Variants in PLCE1 observed in about 807,000 individuals in gnomAD.
PLCE1 encodes 1-phosphatidylinositol 4,5-bisphosphate phosphodiesterase epsilon-1.
Under a neutral mutation model 242.8 loss-of-function variants are expected in PLCE1, and 119 were observed. The observed-to-expected ratio is 0.49, with a 90% CI of 0.42 to 0.57. PLCE1 has a LOEUF of 0.57. PLCE1 is among the 20% of genes least tolerant of loss of function. The pLI is 0.00. For synonymous variants in PLCE1, 945 were observed against 1,017.4 expected (o/e 0.93, Z 1.35); for missense variants, 2,441 against 2,788.8 (o/e 0.88, Z 2.81).
At chr10:94,047,362 G>A (rs989888796) in intron 2 of PLCE1, among the ~76,000 whole-genome samples, 6 of 152,196 alleles carry the variant, frequency 3.9e-5, no homozygotes, top group African/African-American at 9.6e-5. Context: ...AAGGCAAAGT[G>A]TTCCGCCATA....
Position 94,325,024 on chromosome 10 carries a change from G to C in PLCE1, c.6853G>C (p.Glu2285Gln). ...GACCTCAGAAAGTATCCAAACCAAG[G>C]AGGAGAAACCTGTGGGTGGCTTGTC... ...LLTSESIQTK[E>Q]EKPVGGLSSS... is the part of the protein sequence containing the mutation. Residue 2285 changes from glutamate to glutamine, a missense_variant, in exon 32 of 33, where the codon GAG becomes CAG. By Grantham distance (29) the Glu-to-Gln change is conservative. Coordinates refer to ENST00000371380, the MANE Select transcript of PLCE1 (RefSeq NM_016341.4). The C allele has an allele frequency of 6.2e-7, 1 of 1,613,616 alleles. No individual in the cohort carries two copies. The highest frequency in any genetic ancestry group is 1.1e-5 in the South Asian group (1 of 90,574).
intron 2 of PLCE1, among the ~76,000 whole-genome samples, chr10:94,071,848 A>G (rs1170236401): frequency 6.8e-6 from 1 of 148,136 alleles, no homozygotes; most frequent in Admixed American, 6.7e-5. Flanking sequence ...ATTTGTTATC[A>G]CTCTTATTTG....
rs1005531671 is a variant in PLCE1 at position 94,298,141 on chromosome 10, T to G, written c.5168-238T>G. On this transcript the variant is annotated intron_variant, in intron 23 of 32. Coordinates refer to ENST00000371380, the MANE Select transcript of PLCE1 (RefSeq NM_016341.4). This position sits in a 1 kb window ranked among gnomAD's most constrained non-coding sequence, Gnocchi z 5.2. ...CTCAAGCAATCCTCCCACCCTGACC[T>G]CCCAAAGTGCTGGGATTATAGGAAT... 6.6e-6 allele frequency among the ~76,000 whole-genome samples: 1 copy of G among 151,962 alleles called. No individual in the cohort carries two copies. Among genetic ancestry groups the G allele is most frequent in the African/African-American group, 2.4e-5 (1 of 41,362 alleles).
At chr10:94,150,369 T>A (rs2047236824) in intron 3 of PLCE1, among the ~76,000 whole-genome samples, 2 of 152,196 alleles carry the variant, frequency 1.3e-5, no homozygotes, top group Middle Eastern at 3.2e-3. Context: ...AGACCCTTTG[T>A]TGTTCTGAAC....
intron 1 of PLCE1, among the ~76,000 whole-genome samples, chr10:94,001,771 A>G (rs1242458560): frequency 1.3e-5 from 2 of 152,240 alleles, no homozygotes; most frequent in Non-Finnish European, 2.9e-5. Context: ...TCATTGATTC[A>G]GCGTGTTTTT....
intron 2 of PLCE1, among the ~76,000 whole-genome samples, chr10:94,121,455 G>A (rs994919375): frequency 1.3e-5 from 2 of 152,212 alleles, no homozygotes; most frequent in African/African-American, 2.4e-5. Context: ...TTGGGGGTAG[G>A]AAGTTACCTG....
At chr10:94,086,280 C>A (rs1269359989) in intron 2 of PLCE1, among the ~76,000 whole-genome samples, 2 of 152,116 alleles carry the variant, frequency 1.3e-5, no homozygotes, top group African/African-American at 4.8e-5. Context: ...ACAGTAAAAT[C>A]TATCTCACTT....
At chr10:94,264,512 ATTTT>A (rs59860171) in intron 14 of PLCE1, among the ~76,000 whole-genome samples, 1 of 73,078 alleles carries the variant, frequency 1.4e-5, no homozygotes, top group Non-Finnish European at 2.7e-5. Context: ...ACATGATTTG[ATTTT>A]TTTTTTTTTT....
intron 4 of PLCE1, among the ~76,000 whole-genome samples, chr10:94,214,626 C>T (rs1156780617): frequency 6.6e-6 from 1 of 152,124 alleles, no homozygotes; most frequent in East Asian, 1.9e-4. Context: ...CATTTTATTC[C>T]CTTCCGCTCT....
chr10:94,125,135 C>T (rs186727627), intron 2 of PLCE1, among the ~76,000 whole-genome samples: 2 of 152,140 alleles, frequency 1.3e-5, no homozygotes, highest in Non-Finnish European at 1.5e-5. Context: ...ACTTATAATG[C>T]CAAACACTGT....
chr10:94,073,385 G>A (rs893573228), intron 2 of PLCE1, among the ~76,000 whole-genome samples: 2 of 152,152 alleles, frequency 1.3e-5, no homozygotes, highest in Non-Finnish European at 2.9e-5. Flanking sequence ...GGTGCTCAGT[G>A]AGGACTGGAA....
At chr10:94,186,426 C>G (rs971215087) in intron 4 of PLCE1, among the ~76,000 whole-genome samples, 3 of 152,134 alleles carry the variant, frequency 2.0e-5, no homozygotes, top group Admixed American at 1.3e-4. Context: ...ATATTTAAGT[C>G]TACTACATTT....
chr10:94,240,499 T>C (rs1452988663), intron 7 of PLCE1, among the ~76,000 whole-genome samples: 2 of 152,168 alleles, frequency 1.3e-5, no homozygotes, highest in African/African-American at 2.4e-5. Context: ...TTAAAAACGC[T>C]AGATTTTATT....
intron 11 of PLCE1, among the ~76,000 whole-genome samples, chr10:94,255,328 G>T (rs2051033904): frequency 1.3e-5 from 2 of 152,180 alleles, no homozygotes; most frequent in Admixed American, 1.3e-4. Flanking sequence ...CTAGATGTGG[G>T]TATTTAAATT....
At chr10:94,174,798 A>G (rs1444908065) in intron 4 of PLCE1, among the ~76,000 whole-genome samples, 1 of 152,222 alleles carries the variant, frequency 6.6e-6, no homozygotes, top group Non-Finnish European at 1.5e-5. Context: ...AGAGGAGACC[A>G]GGAGACATGA....
chr10:94,001,909 C>T (rs1392060887), intron 1 of PLCE1, among the ~76,000 whole-genome samples: 1 of 152,154 alleles, frequency 6.6e-6, no homozygotes, highest in Non-Finnish European at 1.5e-5. Flanking sequence ...CCTTTTCCCT[C>T]CACAAAGGCA....
intron 23 of PLCE1, among the ~76,000 whole-genome samples, chr10:94,294,275 T>C (rs1314222929): frequency 6.6e-6 from 1 of 152,184 alleles, no homozygotes; most frequent in Admixed American, 6.6e-5. Flanking sequence ...GATATGGCTA[T>C]TTTATTTCTA....
rs2050665049 is a variant in PLCE1 at position 94,245,989 on chromosome 10, G to A, written c.2464G>A (p.Glu822Lys). ...GTTGGATTCAGACAATGACATCTTTGAGCAATCCAAAGAATACGACTCTCA... is the reference window on the plus strand; with the variant it reads ...GTTGGATTCAGACAATGACATCTTTAAGCAATCCAAAGAATACGACTCTCA... ...DLLDSDNDIF[E>K]QSKEYDSHGS... is the part of the protein sequence containing the mutation. The change falls in exon 8 of 33, where the codon GAG (glutamate) becomes AAG (lysine). Residue 822 changes from glutamate to lysine, a missense_variant. By Grantham distance (56) the Glu-to-Lys change is moderately conservative (BLOSUM62 1). Transcript: ENST00000371380. 1 of 1,614,024 alleles carries A rather than the reference G, an allele frequency of 6.2e-7. No individual in the cohort carries two copies. The highest frequency in any genetic ancestry group is 8.5e-7 in the Non-Finnish European group (1 of 1,179,966).
chr10:94,007,550 T>G (rs1204799638), intron 1 of PLCE1, among the ~76,000 whole-genome samples: 1 of 148,914 alleles, frequency 6.7e-6, no homozygotes, highest in Non-Finnish European at 1.5e-5. Flanking sequence ...ATTACAGAAG[T>G]GATATACAAA....
Sources: gnomAD v4.1 joint callset for allele counts (sites outside exome capture counted in the v4.1 genomes callset) on GRCh38, gnomAD v4.1.1 for gene constraint, Gnocchi (gnomAD v3.1) non-coding constraint, MANE v1.5 for transcripts, NCBI Gene and HGNC (gene_info 2026-07-23, HGNC 2026-07-21) for gene names.